Variants in ZBTB16 observed in about 807,000 individuals in gnomAD.
ZBTB16 encodes zinc finger and BTB domain-containing protein 16.
A neutral mutation model predicts 56.8 loss-of-function variants in ZBTB16; 8 were observed. The observed-to-expected ratio is 0.14, with a 90% CI of 0.08 to 0.25. ZBTB16 has a LOEUF of 0.25. Among genes scored for constraint, ZBTB16 ranks in the 10% least tolerant of loss-of-function variants. ZBTB16 has a pLI of 1.00. For synonymous variants in ZBTB16, 363 were observed against 368.5 expected (o/e 0.98, Z 0.17); for missense variants, 625 against 903.0 (o/e 0.69, Z 3.95).
At chr11:114,067,856 A>T in intron 2 of ZBTB16, among the ~76,000 whole-genome samples, 1 of 152,222 alleles carries the variant, frequency 6.6e-6, no homozygotes, top group Non-Finnish European at 1.5e-5. Context: ...CCTCACTCAG[A>T]TCAACAGCCC....
At chr11:114,083,089 C>T (rs1160292957) in intron 2 of ZBTB16, among the ~76,000 whole-genome samples, 1 of 152,226 alleles carries the variant, frequency 6.6e-6, no homozygotes, top group Non-Finnish European at 1.5e-5. Context: ...CTTGGAAACG[C>T]CGTTCCAGGG....
rs1187774471 is a variant in ZBTB16, at chr11:114,253,894, C to G, written c.*3339C>G. On this transcript the variant is annotated 3_prime_UTR_variant, in exon 7 of 7. Coordinates refer to ENST00000335953, the MANE Select transcript of ZBTB16 (RefSeq NM_006006.6). The stretch of plus-strand genomic sequence containing the variant: ...GTGGGATCTGAATATCTGTCCTCCC[C>G]TCTTCTTCATGCCACCTGACTCCTT... Among the ~76,000 whole-genome samples the G allele has an allele frequency of 6.6e-6, 1 of 152,128 alleles. No homozygotes were observed. The highest frequency in any genetic ancestry group is 1.5e-5 in the Non-Finnish European group (1 of 68,034).
intron 2 of ZBTB16, among the ~76,000 whole-genome samples, chr11:114,124,013 T>G (rs1004324490): frequency 6.6e-6 from 1 of 152,146 alleles, no homozygotes; most frequent in Non-Finnish European, 1.5e-5. Flanking sequence ...AATCAAAACA[T>G]ATGAATAATT....
At chr11:114,191,564 C>CA (rs1222973379) in intron 4 of ZBTB16, among the ~76,000 whole-genome samples, 1 of 152,210 alleles carries the variant, frequency 6.6e-6, no homozygotes, top group Non-Finnish European at 1.5e-5. Context: ...TGACCCAACT[C>CA]ACGTGCTCTT....
intron 6 of ZBTB16, among the ~76,000 whole-genome samples, chr11:114,249,770 T>TAAAAAAAAAAA (rs1944884578): frequency 9.4e-4 from 2 of 2,124 alleles, no homozygotes; most frequent in Non-Finnish European, 1.8e-3. Context: ...AGACTCCGTC[T>TAAAAAAAAAAA]CAAAAAAAAA....
In ZBTB16 at chr11:114,252,173, C is replaced by G. The variant is rs1296956377; in HGVS notation, c.*1618C>G. Among the ~76,000 whole-genome samples the G allele has an allele frequency of 6.6e-6, 1 of 151,810 alleles. No homozygotes were observed. The highest frequency in any genetic ancestry group is 2.4e-5 in the African/African-American group (1 of 41,282). On this transcript the variant is annotated 3_prime_UTR_variant, in exon 7 of 7. Coordinates refer to ENST00000335953, the MANE Select transcript of ZBTB16 (RefSeq NM_006006.6). Reference sequence around the variant, plus strand: ...TGGTCCCCAGAGGGCACTAGGGAGTCACTTTTGGCTCCGCTGGTGCATGAA... The same window carrying G: ...TGGTCCCCAGAGGGCACTAGGGAGTGACTTTTGGCTCCGCTGGTGCATGAA...
chr11:114,147,815 T>C (rs1942148566), intron 2 of ZBTB16, among the ~76,000 whole-genome samples: 1 of 152,132 alleles, frequency 6.6e-6, no homozygotes, highest in African/African-American at 2.4e-5. Flanking sequence ...ATCTCCTTAA[T>C]CCAGTGAGCA....
rs373387180 is a variant in ZBTB16 at position 114,059,855 on chromosome 11, C to T, written c.-118C>T. 3.3e-4 allele frequency: 132 copies of T among 397,942 alleles called. No homozygotes were observed. The highest frequency in any genetic ancestry group is 2.5e-3 in the African/African-American group (122 of 48,698). The allele number at this position is 397,942 out of a possible 1,614,324, so 24.7% of individuals were successfully genotyped here. A position where few individuals can be genotyped will look rare whatever the true frequency, so the allele number is the denominator to read the frequency against. On this transcript the variant is annotated 5_prime_UTR_variant, in exon 1 of 7. Transcript: ENST00000335953. This position sits in a 1 kb window ranked among gnomAD's most constrained non-coding sequence, Gnocchi z 5.3. ...CACACCCCCCGACAGGCACGCACAC[C>T]CACCCCACAGTGCCCGGCTCGGCTG...
chr11:114,179,683 T>TGGG (rs1042343713), intron 3 of ZBTB16, among the ~76,000 whole-genome samples: 3 of 152,128 alleles, frequency 2.0e-5, no homozygotes, highest in Non-Finnish European at 4.4e-5. Flanking sequence ...ATTATTAGCA[T>TGGG]GGGGGTGGGA....
chr11:114,093,488 A>G (rs1318118571), intron 2 of ZBTB16, among the ~76,000 whole-genome samples: 1 of 152,060 alleles, frequency 6.6e-6, no homozygotes, highest in Non-Finnish European at 1.5e-5. Context: ...CCCATCTTTG[A>G]GAGAGGCGGT....
intron 4 of ZBTB16, among the ~76,000 whole-genome samples, chr11:114,232,751 G>A (rs1944466736): frequency 6.6e-6 from 1 of 152,332 alleles, no homozygotes; most frequent in South Asian, 2.1e-4. Context: ...GGGGGCCCCC[G>A]TGGTGCCAGG....
At position 114,250,493 on chromosome 11, in the gene ZBTB16, C is replaced by T; in HGVS notation, c.1960C>T (p.Pro654Ser). The change falls in exon 7 of 7, where the codon CCC becomes TCC. Residue 654 changes from proline (P) to serine (S), a missense_variant. This residue lies in a region of ZBTB16 where 40 missense variants were observed against 93.2 expected (regional missense o/e 0.43). Transcript: ENST00000335953. This position sits in a 1 kb window ranked among gnomAD's most constrained non-coding sequence, Gnocchi z 6.0. ...GCAGAAGCACATGAAGGGCCACAAGCCCGAGGAGATCCCGCCCGACTGGAG... is the reference window on the plus strand; with the variant it reads ...GCAGAAGCACATGAAGGGCCACAAGTCCGAGGAGATCCCGCCCGACTGGAG... ...SMQKHMKGHK[P>S]EEIPPDWRIE... 3 of 1,614,152 alleles carry T rather than the reference C, an allele frequency of 1.9e-6. No homozygotes were observed. In the South Asian group the frequency reaches 3.3e-5, roughly 18 times the overall value.
chr11:114,192,386 C>T (rs1943517163), intron 4 of ZBTB16, among the ~76,000 whole-genome samples: 1 of 152,184 alleles, frequency 6.6e-6, no homozygotes, highest in Non-Finnish European at 1.5e-5. Context: ...CTCTCCTTCT[C>T]AGTAGGGAAG....
chr11:114,223,056 A>T (rs891068087), intron 4 of ZBTB16, among the ~76,000 whole-genome samples: 2 of 152,202 alleles, frequency 1.3e-5, no homozygotes, highest in Non-Finnish European at 2.9e-5. Context: ...AGTTGTTGTC[A>T]GGTTTGACTT....
chr11:114,210,112 A>G (rs1943964951), intron 4 of ZBTB16: 3 of 246,704 alleles, frequency 1.2e-5, no homozygotes, highest in Non-Finnish European at 1.9e-5. Flanking sequence ...TCTGTGAAAC[A>G]TTGCAAATGT....
At chr11:114,116,041 T>C (rs2137792105) in intron 2 of ZBTB16, among the ~76,000 whole-genome samples, 1 of 152,300 alleles carries the variant, frequency 6.6e-6, no homozygotes, top group East Asian at 1.9e-4. Flanking sequence ...TGTCTTTTAT[T>C]TGCAAGAAAA....
intron 4 of ZBTB16, among the ~76,000 whole-genome samples, chr11:114,224,376 T>C (rs1436713883): frequency 6.6e-6 from 1 of 152,232 alleles, no homozygotes; most frequent in Non-Finnish European, 1.5e-5. Context: ...AGTGGAGTTC[T>C]TTACTGAAAT....
At chr11:114,100,792 C>A (rs982052539) in intron 2 of ZBTB16, among the ~76,000 whole-genome samples, 1 of 152,192 alleles carries the variant, frequency 6.6e-6, no homozygotes, top group South Asian at 2.1e-4. Flanking sequence ...TACAAACTTA[C>A]CGCAGGACCA....
intron 5 of ZBTB16, among the ~76,000 whole-genome samples, chr11:114,246,178 C>T (rs1046441649): frequency 2.6e-5 from 4 of 152,142 alleles, no homozygotes; most frequent in Non-Finnish European, 4.4e-5. Context: ...CCTCCCTGTG[C>T]GATACACTGA....
Sources: allele counts gnomAD v4.1 joint callset (sites outside exome capture counted in the v4.1 genomes callset), GRCh38; gene constraint gnomAD v4.1.1; regional missense constraint gnomAD v4.1.1; non-coding constraint Gnocchi (gnomAD v3.1); transcripts MANE v1.5; gene names NCBI Gene and HGNC (gene_info 2026-07-23, HGNC 2026-07-21).